Variants in COL19A1 observed in about 807,000 individuals in gnomAD.
COL19A1 encodes collagen type XIX alpha 1 chain, also known as collagen alpha-1(XIX) chain.
Under a neutral mutation model 190.2 loss-of-function variants are expected in COL19A1, and 159 were observed. The ratio of observed to expected loss-of-function variants is 0.84; its 90% CI spans 0.73 to 0.95. The LOEUF is 0.95. Among genes scored for constraint, COL19A1 ranks in the 40% least tolerant of loss-of-function variants. COL19A1 has a pLI of 0.00. For synonymous variants in COL19A1, 509 were observed against 458.9 expected (o/e 1.11, Z -1.39); for missense variants, 1,418 against 1,431.9 (o/e 0.99, Z 0.16).
rs1769990208 is a variant in COL19A1, at chr6:69,899,158, CTTT to C, written c.166+139_166+141del. On this transcript the variant is annotated intron_variant, in intron 3 of 50. Transcript: ENST00000620364. The stretch of plus-strand genomic sequence containing the variant: ...CATTAACGTGAAAATTTTAAGAATT[CTTT>C]TTAATTTTTTTTTTTTTTTTTGAGA... 1.3e-5 allele frequency: 7 copies of C among 519,084 alleles called. No homozygotes were observed. The South Asian group carries it at 2.2e-4, about 16-fold the overall frequency. 32.2% of individuals were successfully genotyped at this position (519,084 alleles called of 1,614,324 possible). A position where few individuals can be genotyped will look rare whatever the true frequency, so the allele number is the denominator to read the frequency against.
chr6:70,102,239 A>G lies in COL19A1; in HGVS notation c.1278+17A>G, dbSNP rs774668443. 3.2e-6 allele frequency: 5 copies of G among 1,572,622 alleles called. No homozygotes were observed. The East Asian group carries it at 6.7e-5, about 21-fold the overall frequency. ...GGACCACCTGTGAGTAAACAATACAATGACTGTCCCTTTAAAGAGTCTGTC... is the reference window on the plus strand; with the variant it reads ...GGACCACCTGTGAGTAAACAATACAGTGACTGTCCCTTTAAAGAGTCTGTC... On this transcript the variant is annotated intron_variant, in intron 16 of 50. Coordinates refer to ENST00000620364, the MANE Select transcript of COL19A1 (RefSeq NM_001858.6).
At chr6:70,140,795 C>T (rs1246094215) in intron 19 of COL19A1, among the ~76,000 whole-genome samples, 159 bp from the exon 20 acceptor site, 1 of 151,976 alleles carries the variant, frequency 6.6e-6, no homozygotes, top group African/African-American at 2.4e-5. Context: ...TCATATATTT[C>T]CTTTAAGCTG....
chr6:70,101,110 C>T (rs1038125047), intron 15 of COL19A1, among the ~76,000 whole-genome samples: 1 of 152,038 alleles, frequency 6.6e-6, no homozygotes, highest in South Asian at 2.1e-4. Flanking sequence ...TTATAATTCT[C>T]CCCCAAAAAA....
At chr6:70,029,764 A>G (rs1449397432) in intron 12 of COL19A1, among the ~76,000 whole-genome samples, 1 of 152,222 alleles carries the variant, frequency 6.6e-6, no homozygotes, top group Non-Finnish European at 1.5e-5. Context: ...GTACTTCTCA[A>G]TTGCATTTTA....
intron 44 of COL19A1, among the ~76,000 whole-genome samples, chr6:70,181,700 G>T (rs1766188230): frequency 6.6e-6 from 1 of 151,072 alleles, no homozygotes; most frequent in African/African-American, 2.4e-5. Context: ...AGTAGAAGAA[G>T]GTATAAGTAG....
chr6:70,190,181 C>T (rs867766937), intron 47 of COL19A1, 134 bp from the exon 48 acceptor site: 1 of 676,522 alleles, frequency 1.5e-6, no homozygotes, highest in Non-Finnish European at 2.6e-6. Context: ...CCAATATAAT[C>T]AATTGCCAAA....
chr6:69,929,634 G>A lies in COL19A1; in HGVS notation c.600G>A (p.Lys200=), dbSNP rs1162267963. Residue 200 remains lysine (K), a synonymous_variant, in exon 6 of 51, where the codon AAG becomes AAA. Coordinates refer to ENST00000620364, the MANE Select transcript of COL19A1 (RefSeq NM_001858.6). ...NLIARRQTDE[K]DTVDFHGRTV... ...TTGCGAGGAGGCAGACTGATGAAAA[G>A]GACACTGTGGATTTCCATGGACGGA... 5 of 1,613,858 alleles carry A rather than the reference G, an allele frequency of 3.1e-6. No individual in the cohort carries two copies. The East Asian group carries it at 6.7e-5, about 22-fold the overall frequency.
chr6:69,867,243 G>C (rs961597121), intron 1 of COL19A1, among the ~76,000 whole-genome samples: 3 of 152,098 alleles, frequency 2.0e-5, no homozygotes, highest in African/African-American at 7.2e-5. Flanking sequence ...TGCGGCTTCT[G>C]GGGGGCGGCG....
rs1311745324 is a variant in COL19A1 at position 70,145,971 on chromosome 6, T to C, written c.1771-688T>C. Among the ~76,000 whole-genome samples the C allele has an allele frequency of 6.6e-5, 10 of 152,230 alleles. No individual in the cohort carries two copies. In the East Asian group the frequency reaches 1.9e-3, roughly 29 times the overall value. ...CCTGAGCTCAAGTGATCTACCCATC[T>C]CGGCCTCCCAAAGTGCTGGGATTAC... On this transcript the variant is annotated intron_variant, in intron 25 of 50. Transcript: ENST00000620364.
chr6:69,995,634 G>A (rs983505765), intron 11 of COL19A1, among the ~76,000 whole-genome samples: 1 of 151,584 alleles, frequency 6.6e-6, no homozygotes, highest in Non-Finnish European at 1.5e-5. Flanking sequence ...TAATTATACA[G>A]ATAATTTTGC....
chr6:69,983,023 T>TAC (rs1776132989), intron 11 of COL19A1, among the ~76,000 whole-genome samples: 1 of 136,440 alleles, frequency 7.3e-6, no homozygotes, highest in Non-Finnish European at 1.6e-5. Context: ...TAAATAAATA[T>TAC]AAAATAAAAT....
chr6:70,114,667 T>C (rs1784466381), intron 16 of COL19A1, among the ~76,000 whole-genome samples: 1 of 152,214 alleles, frequency 6.6e-6, no homozygotes, highest in African/African-American at 2.4e-5. Flanking sequence ...GTTGATATTT[T>C]TTCTCTTTTA....
Position 70,130,232 on chromosome 6 carries a change from A to ATTTT in COL19A1, c.1383+18_1383+21dup. 1 of 1,297,056 alleles carries ATTTT rather than the reference A, an allele frequency of 7.7e-7. No homozygotes were observed. Among genetic ancestry groups the ATTTT allele is most frequent in the Admixed American group, 2.0e-5 (1 of 51,002 alleles). The allele number at this position is 1,297,056 out of a possible 1,614,324, so 80.3% of individuals were successfully genotyped here. On this transcript the variant is annotated intron_variant, in intron 18 of 50. Coordinates refer to ENST00000620364, the MANE Select transcript of COL19A1 (RefSeq NM_001858.6). ...GCCTGAAAGGAGACAAGGTAATCAG[A>ATTTT]TTTTTTTTTTTTAGATGGAGTCTTG...
At chr6:69,935,314 GACAGGTTTATGGTGAAGCCTGAGACAT>G (rs139332810) in intron 7 of COL19A1, among the ~76,000 whole-genome samples, 2,537 of 152,076 alleles carry the variant, frequency 0.017, 69 homozygotes, top group African/African-American at 0.057. Context: ...GTGGAGTGTG[GACAGGTTTATGGTGAAGCCTGAGACAT>G]ACTTTTAAAG....
At chr6:69,960,919 C>G (rs1207408142) in intron 10 of COL19A1, among the ~76,000 whole-genome samples, 5 of 152,174 alleles carry the variant, frequency 3.3e-5, no homozygotes, top group Non-Finnish European at 7.4e-5. Context: ...GCGTGAGCCA[C>G]CACACCCGGC....
At chr6:69,917,526 G>C (rs927788866) in intron 4 of COL19A1, among the ~76,000 whole-genome samples, 2 of 152,092 alleles carry the variant, frequency 1.3e-5, no homozygotes, top group Non-Finnish European at 2.9e-5. Context: ...CCCTGTTTTT[G>C]TGGAAATCAC....
rs373990268 is a variant in COL19A1 at position 70,102,158 on chromosome 6, T to C, written c.1225-11T>C. On this transcript the variant is annotated splice_polypyrimidine_tract_variant and intron_variant, in intron 15 of 50. Transcript: ENST00000620364. Reference sequence around the variant, plus strand: ...CACAGTATTTATCATCTATTCTTCTTTGGTTTCAAGGGAAGACGAGGGAAA... The same window carrying C: ...CACAGTATTTATCATCTATTCTTCTCTGGTTTCAAGGGAAGACGAGGGAAA... 13 of 1,610,446 alleles carry C rather than the reference T, an allele frequency of 8.1e-6. No individual in the cohort carries two copies. The African/African-American group carries it at 1.6e-4, about 20-fold the overall frequency.
At chr6:69,918,200 T>C (rs1771440238) in intron 4 of COL19A1, among the ~76,000 whole-genome samples, 1 of 152,044 alleles carries the variant, frequency 6.6e-6, no homozygotes, top group Non-Finnish European at 1.5e-5. Context: ...TTTTAGAAGG[T>C]TATAAGTAAG....
At chr6:69,883,637 C>A (rs557627089) in intron 2 of COL19A1, among the ~76,000 whole-genome samples, 5 of 152,074 alleles carry the variant, frequency 3.3e-5, no homozygotes, top group Non-Finnish European at 5.9e-5. Flanking sequence ...ATACAAGAAC[C>A]CTCACTAAAC....
Sources: gnomAD v4.1 joint callset for allele counts (sites outside exome capture counted in the v4.1 genomes callset) on GRCh38, gnomAD v4.1.1 for gene constraint, MANE v1.5 for transcripts, NCBI Gene and HGNC (gene_info 2026-07-23, HGNC 2026-07-21) for gene names.